The following ANLN variants were observed in gnomAD, a reference collection of about 807,000 sequenced individuals.
ANLN encodes the protein anillin.
A neutral mutation model predicts 135.1 loss-of-function variants in ANLN; 59 were observed. That is an observed-to-expected ratio of 0.44 (90% CI 0.35 to 0.54). The LOEUF (loss-of-function observed/expected upper bound fraction) is 0.54. ANLN is among the 20% of genes least tolerant of loss of function. ANLN has a pLI of 0.00. For missense variants in ANLN, 1,182 were observed against 1,340.0 expected (o/e 0.88, Z 1.84); for synonymous variants, 406 against 456.4 (o/e 0.89, Z 1.41).
chr7:36,434,129 G>A (rs1369827424), intron 20 of ANLN, among the ~76,000 whole-genome samples: 1 of 152,150 alleles, frequency 6.6e-6, no homozygotes, highest in Non-Finnish European at 1.5e-5. Flanking sequence ...ACTGAAATAG[G>A]TAATACCTTG....
chr7:36,427,587 C>G (rs975973981), intron 20 of ANLN, among the ~76,000 whole-genome samples: 1 of 152,180 alleles, frequency 6.6e-6, no homozygotes, highest in Admixed American at 6.5e-5. Context: ...CTCCTGGGCT[C>G]TGGCCATCTG....
At chr7:36,437,825 G>A (rs1407321496) in intron 20 of ANLN, among the ~76,000 whole-genome samples, 1 of 152,014 alleles carries the variant, frequency 6.6e-6, no homozygotes, top group East Asian at 1.9e-4. Flanking sequence ...AGGCTGGAGT[G>A]CAATGGCACA....
chr7:36,409,055 G>A (rs1787304655), intron 5 of ANLN, among the ~76,000 whole-genome samples: 1 of 152,178 alleles, frequency 6.6e-6, no homozygotes, highest in Non-Finnish European at 1.5e-5. Flanking sequence ...GGGGTAGGTA[G>A]AAATCTGCAA....
chr7:36,410,372 T>C, intron 5 of ANLN, 142 bp from the exon 6 acceptor site: 1 of 695,694 alleles, frequency 1.4e-6, no homozygotes, highest in South Asian at 2.9e-5. Flanking sequence ...TTTGAAGTAT[T>C]TTTATAGTCT....
chr7:36,417,235 A>G lies in ANLN; in HGVS notation c.1633+45A>G, dbSNP rs778375681. On this transcript the variant is annotated intron_variant, in intron 9 of 23. Coordinates refer to ENST00000265748, the MANE Select transcript of ANLN (RefSeq NM_018685.5). ...TTATTATTAACTTTGCACATACTAT[A>G]GGAAATAATATATTGATAGAAGCAC... 1.6e-5 allele frequency: 17 copies of G among 1,055,702 alleles called. No homozygotes were observed. In the East Asian group the frequency reaches 3.3e-4, roughly 20 times the overall value. The allele number at this position is 1,055,702 out of a possible 1,614,324, so 65.4% of individuals were successfully genotyped here.
At chr7:36,415,631 T>C in intron 7 of ANLN, 127 bp from the exon 8 acceptor site, 1 of 1,054,894 alleles carries the variant, frequency 9.5e-7, no homozygotes, top group Non-Finnish European at 1.3e-6. Context: ...ACATACACTA[T>C]CTCTTTGGTT....
intron 1 of ANLN, 76 bp downstream of exon 1, chr7:36,390,120 G>C: frequency 6.2e-7 from 1 of 1,604,768 alleles, no homozygotes. Flanking sequence ...GTCAACCTCT[G>C]GGCGAACCCC....
At chr7:36,447,747 C>T (rs1789074124) in intron 22 of ANLN, among the ~76,000 whole-genome samples, 1 of 152,138 alleles carries the variant, frequency 6.6e-6, no homozygotes, top group South Asian at 2.1e-4. Flanking sequence ...ATCCACATGC[C>T]AGGTGCGATG....
intron 7 of ANLN, among the ~76,000 whole-genome samples, chr7:36,414,963 C>T (rs924290281): frequency 3.9e-5 from 6 of 152,146 alleles, no homozygotes; most frequent in African/African-American, 1.4e-4. Flanking sequence ...TTAGGTGAGG[C>T]AATAGATATA....
intron 7 of ANLN, among the ~76,000 whole-genome samples, chr7:36,413,075 T>C (rs1273316853): frequency 2.6e-5 from 4 of 152,102 alleles, no homozygotes; most frequent in African/African-American, 9.7e-5. Flanking sequence ...TCCACCTCTG[T>C]GTCCTTAGTG....
chr7:36,419,042 T>C (rs1787764346), intron 9 of ANLN, among the ~76,000 whole-genome samples: 1 of 152,142 alleles, frequency 6.6e-6, no homozygotes. Context: ...CCAATATTCA[T>C]TTCTTAGAAA....
intron 13 of ANLN, 91 bp downstream of exon 13, chr7:36,422,083 G>T: frequency 5.6e-6 from 8 of 1,417,978 alleles, no homozygotes; most frequent in Non-Finnish European, 7.6e-6. Context: ...TTAGAGAAAG[G>T]GCTTTTCCTA....
At position 36,439,267 on chromosome 7, in the gene ANLN, A is replaced by G. The variant is rs748483845; in HGVS notation, c.2947A>G (p.Ser983Gly). 2.5e-5 allele frequency: 39 copies of G among 1,585,214 alleles called. No homozygotes were observed. Among genetic ancestry groups the G allele is most frequent in the Non-Finnish European group, 3.1e-5 (36 of 1,158,680 alleles). Residue 983 changes from serine to glycine, a missense_variant, in exon 21 of 24, where the codon AGT becomes GGT. By Grantham distance (56) the Ser-to-Gly change is moderately conservative (BLOSUM62 0). Transcript: ENST00000265748. ...YLKIKCQVNS[S>G]VEERGFLTIF... ...AAAAATAAAATGTCAAGTGAATTCC[A>G]GTGTTGAAGAAAGAGGTTTTCTAGT...
At chr7:36,409,154 A>G (rs1017618138) in intron 5 of ANLN, among the ~76,000 whole-genome samples, 1 of 152,210 alleles carries the variant, frequency 6.6e-6, no homozygotes, top group Admixed American at 6.5e-5. Flanking sequence ...CTAAAGACTT[A>G]AGCTTAGATA....
At position 36,399,242 on chromosome 7, in the gene ANLN, C is replaced by T. The variant is rs368245782; in HGVS notation, c.336C>T (p.Thr112=). The T allele has an allele frequency of 1.2e-6, 2 of 1,613,942 alleles. No individual in the cohort carries two copies. The highest frequency in any genetic ancestry group is 1.1e-5 in the South Asian group (1 of 91,082). ...AGGTGCAGCCACAAGCAGCAGATACCATCAGTGATTCTGTTGCTGTCCCGG... is the reference window on the plus strand; with the variant it reads ...AGGTGCAGCCACAAGCAGCAGATACTATCAGTGATTCTGTTGCTGTCCCGG... ...SPQVQPQAAD[T]ISDSVAVPAS... Residue 112 remains threonine, a synonymous_variant, in exon 3 of 24, where the codon ACC becomes ACT. Transcript: ENST00000265748.
intron 20 of ANLN, among the ~76,000 whole-genome samples, chr7:36,435,568 G>A (rs540850333): frequency 4.6e-5 from 7 of 152,154 alleles, no homozygotes; most frequent in Admixed American, 1.3e-4. Context: ...TTTGCTCAGC[G>A]TGATGTTTTT....
At chr7:36,395,355 C>G (rs558618241) in intron 1 of ANLN, among the ~76,000 whole-genome samples, 1 of 152,316 alleles carries the variant, frequency 6.6e-6, no homozygotes, top group East Asian at 1.9e-4. Flanking sequence ...CCTGTTCCCC[C>G]ATCTTCAAAG....
At chr7:36,401,430 C>G (rs1220139254) in intron 3 of ANLN, among the ~76,000 whole-genome samples, 1 of 152,154 alleles carries the variant, frequency 6.6e-6, no homozygotes, top group African/African-American at 2.4e-5. Flanking sequence ...CCTCCGCCTC[C>G]CAGGTTCAAG....
At position 36,411,141 on chromosome 7, in the gene ANLN, A is replaced by C. The variant is rs779883350; in HGVS notation, c.1370A>C (p.Lys457Thr). Residue 457 changes from lysine to threonine, a missense_variant, in exon 7 of 24, where the codon AAA becomes ACA. Transcript: ENST00000265748. ...IWSAEKGGNS[K>T]SKQLETKQET... is the part of the protein sequence containing the mutation. The stretch of plus-strand genomic sequence containing the variant: ...AGTGCAGAAAAAGGCGGAAACTCAA[A>C]AAGCAAACAACTAGAAACCAAACAG... 6.2e-7 allele frequency: 1 copy of C among 1,607,468 alleles called. No individual in the cohort carries two copies. The highest frequency in any genetic ancestry group is 2.2e-5 in the East Asian group (1 of 44,808).
Sources: gnomAD v4.1 joint callset for allele counts (sites outside exome capture counted in the v4.1 genomes callset) on GRCh38, gnomAD v4.1.1 for gene constraint, MANE v1.5 for transcripts, NCBI Gene and HGNC (gene_info 2026-07-23, HGNC 2026-07-21) for gene names.